BCAT1: variants seen among roughly 807,000 people sequenced by gnomAD.
BCAT1 encodes the protein branched-chain-amino-acid aminotransferase, cytosolic.
Under a neutral mutation model 52.4 loss-of-function variants are expected in BCAT1, and 48 were observed. The observed-to-expected ratio is 0.92, with a 90% CI of 0.73 to 1.16. BCAT1 has a LOEUF of 1.16. Among genes scored for constraint, BCAT1 ranks in the 50% most tolerant of loss-of-function variants. The probability of loss-of-function intolerance (pLI) is 0.00; values close to 1 mark genes in which losing one functional copy is unlikely to be tolerated. For synonymous variants in BCAT1, 167 were observed against 161.3 expected (o/e 1.04, Z -0.27); for missense variants, 451 against 457.1 (o/e 0.99, Z 0.12).
chr12:24,866,375 G>A lies in BCAT1; in HGVS notation c.510+12155C>T, dbSNP rs1027271779. ...GCAGCCTGCCATGCCTGAGCCTCCCGCCCCCCGCCACCGCTGTGGGATCCT... is the reference window on the plus strand; with the variant it reads ...GCAGCCTGCCATGCCTGAGCCTCCCACCCCCCGCCACCGCTGTGGGATCCT... On this transcript the variant is annotated intron_variant, in intron 5 of 10. Coordinates refer to ENST00000261192, the MANE Select transcript of BCAT1 (RefSeq NM_005504.7). 2.8e-4 allele frequency among the ~76,000 whole-genome samples: 43 copies of A among 152,264 alleles called. 1 individual carries two copies. Among genetic ancestry groups the A allele is most frequent in the African/African-American group, 9.1e-4 (38 of 41,562 alleles).
chr12:24,836,064 T>C (rs1348921198), intron 8 of BCAT1, among the ~76,000 whole-genome samples: 1 of 152,220 alleles, frequency 6.6e-6, no homozygotes, highest in Admixed American at 6.5e-5. Context: ...GTTATATTAG[T>C]AAACATTTAT....
At chr12:24,910,123 C>A (rs1366297197) in intron 1 of BCAT1, among the ~76,000 whole-genome samples, 1 of 152,178 alleles carries the variant, frequency 6.6e-6, no homozygotes, top group Non-Finnish European at 1.5e-5. Context: ...CCTGTAATCC[C>A]AGCACTTTGG....
intron 2 of BCAT1, 90 bp from the exon 3 acceptor site, chr12:24,894,565 A>C: frequency 8.9e-7 from 1 of 1,127,138 alleles, no homozygotes; most frequent in East Asian, 2.6e-5. Context: ...AAAGGAAATC[A>C]ATTGACTTTT....
In BCAT1 at chr12:24,901,858, A is replaced by C; in HGVS notation, c.34T>G (p.Cys12Gly). The C allele has an allele frequency of 6.2e-7, 1 of 1,613,976 alleles. No individual in the cohort carries two copies. The highest frequency in any genetic ancestry group is 1.6e-4 in the Middle Eastern group (1 of 6,062). Residue 12 changes from cysteine to glycine, a missense_variant, in exon 2 of 11, where the codon TGT becomes GGT. Transcript: ENST00000261192. ...KDCSNGCSAECTGEGGSKEVV... is the reference protein window; with the variant it reads ...KDCSNGCSAEGTGEGGSKEVV... ...TCTTTTGATCCTCCTTCTCCGGTAC[A>C]CTCTGCGGAGCATCCGTTACTGCAA...
At chr12:24,932,864 T>G (rs1591887074) in intron 1 of BCAT1, among the ~76,000 whole-genome samples, 1 of 152,090 alleles carries the variant, frequency 6.6e-6, no homozygotes, top group Non-Finnish European at 1.5e-5. Flanking sequence ...CAGGCTGGAG[T>G]GCAGTGGCGC....
At chr12:24,831,939 C>T (rs1194285036) in intron 9 of BCAT1, among the ~76,000 whole-genome samples, 1 of 152,184 alleles carries the variant, frequency 6.6e-6, no homozygotes, top group East Asian at 1.9e-4. Context: ...TTTCTTCCAA[C>T]CAAATCCTCA....
rs765183350 is a variant in BCAT1, at chr12:24,842,242, T to TA, written c.675-19dup. 1 of 1,612,266 alleles carries TA rather than the reference T, an allele frequency of 6.2e-7. No individual in the cohort carries two copies. The highest frequency in any genetic ancestry group is 1.1e-5 in the South Asian group (1 of 91,032). On this transcript the variant is annotated intron_variant, in intron 6 of 10. Coordinates refer to ENST00000261192, the MANE Select transcript of BCAT1 (RefSeq NM_005504.7). ...CGTAATTCCTTTAAGAAAGAGAAAA[T>TA]ACACAGGTTACAAACATACTTCATC...
intron 1 of BCAT1, among the ~76,000 whole-genome samples, chr12:24,907,481 C>G (rs1943243726): frequency 6.6e-6 from 1 of 152,206 alleles, no homozygotes. Flanking sequence ...AACTGAAGAT[C>G]AACAAAAGTG....
At chr12:24,878,903 C>G (rs191165435) in intron 4 of BCAT1, among the ~76,000 whole-genome samples, 1 of 151,722 alleles carries the variant, frequency 6.6e-6, no homozygotes, top group Non-Finnish European at 1.5e-5. Flanking sequence ...ATTTATGGTA[C>G]CAATAAAAAA....
intron 1 of BCAT1, among the ~76,000 whole-genome samples, chr12:24,910,414 T>G (rs1017573284): frequency 7.3e-5 from 11 of 151,352 alleles, no homozygotes; most frequent in African/African-American, 2.4e-4. Context: ...AATAAATAAA[T>G]AAATAAATAA....
At chr12:24,883,260 T>C (rs1390602381) in intron 3 of BCAT1, among the ~76,000 whole-genome samples, 1 of 152,202 alleles carries the variant, frequency 6.6e-6, no homozygotes, top group Non-Finnish European at 1.5e-5. Context: ...CACTCCAGCC[T>C]GGTGACAGAG....
At chr12:24,823,031 T>G (rs903956610) in intron 10 of BCAT1, among the ~76,000 whole-genome samples, 1 of 91,586 alleles carries the variant, frequency 1.1e-5, no homozygotes, top group Non-Finnish European at 2.2e-5. Flanking sequence ...ATATTTGTTT[T>G]GACTTTTTTT....
intron 1 of BCAT1, among the ~76,000 whole-genome samples, chr12:24,937,829 G>T (rs898941841): frequency 1.2e-4 from 19 of 152,204 alleles, no homozygotes; most frequent in African/African-American, 4.6e-4. Flanking sequence ...CTGGGCACAT[G>T]GTTGTTAAAA....
intron 6 of BCAT1, among the ~76,000 whole-genome samples, chr12:24,847,597 AAGAG>A (rs748381782): frequency 3.3e-5 from 5 of 152,172 alleles, no homozygotes; most frequent in Non-Finnish European, 7.4e-5. Flanking sequence ...GTGCATGTGC[AAGAG>A]AGAGAGAAAA....
rs1941450585 is a variant in BCAT1, at chr12:24,849,799, A to T, written c.661T>A (p.Cys221Ser). The change falls in exon 6 of 11, where the codon TGC becomes AGC. Residue 221 changes from cysteine (C) to serine (S), a missense_variant. Transcript: ENST00000261192. ...AGATTTACTTACCCTCCCATCTTGC[A>T]GTCCCCAGTTCCACCTTTCCAGGCT... is the stretch of plus-strand genomic sequence containing the variant. ...VRAWKGGTGD[C>S]KMGGNYGSSL... is the part of the protein sequence containing the mutation. 6.2e-7 allele frequency: 1 copy of T among 1,608,516 alleles called. No individual in the cohort carries two copies. Among genetic ancestry groups the T allele is most frequent in the Admixed American group, 1.7e-5 (1 of 59,738 alleles).
intron 3 of BCAT1, among the ~76,000 whole-genome samples, chr12:24,886,760 A>G (rs1054250397): frequency 6.6e-6 from 1 of 150,748 alleles, no homozygotes; most frequent in African/African-American, 2.4e-5. Flanking sequence ...ACTTTGGGAG[A>G]CCAAGGACAG....
At chr12:24,836,714 T>C in intron 7 of BCAT1, 118 bp from the exon 8 acceptor site, 1 of 837,796 alleles carries the variant, frequency 1.2e-6, no homozygotes, top group South Asian at 1.6e-5. Context: ...ATAAAGAAAA[T>C]TTTACTGTTC....
At chr12:24,886,177 A>G (rs1204738836) in intron 3 of BCAT1, among the ~76,000 whole-genome samples, 1 of 152,198 alleles carries the variant, frequency 6.6e-6, no homozygotes, top group East Asian at 1.9e-4. Flanking sequence ...CAGCACTTTG[A>G]GAAGCTGAAG....
At chr12:24,909,725 T>C (rs567419503) in intron 1 of BCAT1, among the ~76,000 whole-genome samples, 32 of 152,300 alleles carry the variant, frequency 2.1e-4, no homozygotes, top group African/African-American at 7.5e-4. Context: ...TAATGGACTA[T>C]GGAGAAATAT....
Sources: allele counts gnomAD v4.1 joint callset (sites outside exome capture counted in the v4.1 genomes callset), GRCh38; gene constraint gnomAD v4.1.1; transcripts MANE v1.5; gene names NCBI Gene and HGNC (gene_info 2026-07-23, HGNC 2026-07-21).